The following DTWD2 variants were observed in gnomAD, a reference collection of about 807,000 sequenced individuals.
The protein encoded by DTWD2 is tRNA-uridine aminocarboxypropyltransferase 2.
In DTWD2, 39 loss-of-function variants were observed where a neutral mutation model predicts 31.8. That is an observed-to-expected ratio of 1.22 (90% CI 0.95 to 1.60). The LOEUF is 1.60. Ranked by LOEUF, DTWD2 falls within the 40% of genes most tolerant of loss-of-function variation. The pLI, the probability that DTWD2 is intolerant of heterozygous loss-of-function variation, is 0.00. For synonymous variants in DTWD2, 180 were observed against 142.8 expected, an observed-to-expected ratio of 1.26 and a Z score of -1.86; for missense variants, 515 against 381.5, an observed-to-expected ratio of 1.35 and a Z score of -2.92.
At chr5:118,947,462 G>A (rs1346734058) in intron 1 of DTWD2, among the ~76,000 whole-genome samples, 7 of 152,182 alleles carry the variant, frequency 4.6e-5, no homozygotes, top group African/African-American at 1.4e-4. Context: ...ACTCTCCGAA[G>A]CAACAGCATC....
At chr5:118,911,882 A>G (rs2149571054) in intron 4 of DTWD2, among the ~76,000 whole-genome samples, 1 of 152,234 alleles carries the variant, frequency 6.6e-6, no homozygotes, top group East Asian at 1.9e-4. Context: ...TTCTATCCCT[A>G]CTCAGGGGCA....
intron 4 of DTWD2, among the ~76,000 whole-genome samples, chr5:118,856,764 C>CTTTTTTTTTTTTT (rs68175368): frequency 4.5e-5 from 2 of 44,340 alleles, no homozygotes; most frequent in Admixed American, 3.7e-4. Flanking sequence ...TTGAGGCTTA[C>CTTTTTTTTTTTTT]TTTTTTTTTT....
chr5:118,920,037 T>C (rs1753666310), intron 4 of DTWD2, among the ~76,000 whole-genome samples: 1 of 151,628 alleles, frequency 6.6e-6, no homozygotes, highest in South Asian at 2.1e-4. Context: ...AAATGTAACA[T>C]GCTTGAACCA....
At chr5:118,875,233 C>T (rs189475251) in intron 4 of DTWD2, among the ~76,000 whole-genome samples, 2 of 152,240 alleles carry the variant, frequency 1.3e-5, no homozygotes, top group Admixed American at 1.3e-4. Context: ...AAGACCACTA[C>T]AGCCACTACA....
chr5:118,857,117 A>G lies in DTWD2; in HGVS notation c.598-8899T>C, dbSNP rs989177194. 2.6e-5 allele frequency among the ~76,000 whole-genome samples: 4 copies of G among 152,060 alleles called. No homozygotes were observed. In the East Asian group the frequency reaches 7.7e-4, roughly 29 times the overall value. ...GTTCATGTTATAAACGAAGAAATGT[A>G]GATGCACACGTACACTTCCATTAAA... On this transcript the variant is annotated intron_variant, in intron 4 of 5. Transcript: ENST00000510708.
At chr5:118,985,041 T>C (rs972299844) in intron 1 of DTWD2, among the ~76,000 whole-genome samples, 4 of 152,296 alleles carry the variant, frequency 2.6e-5, no homozygotes, top group South Asian at 2.1e-4. Context: ...TGTTGGGTTA[T>C]AGAGCATTAG....
At chr5:118,862,222 CA>C (rs1752277650) in intron 4 of DTWD2, among the ~76,000 whole-genome samples, 1 of 152,186 alleles carries the variant, frequency 6.6e-6, no homozygotes, top group Non-Finnish European at 1.5e-5. Flanking sequence ...ATCCCAAAAC[CA>C]TCGCTCCATT....
At chr5:118,866,532 G>A (rs1264180083) in intron 4 of DTWD2, among the ~76,000 whole-genome samples, 1 of 152,056 alleles carries the variant, frequency 6.6e-6, no homozygotes, top group African/African-American at 2.4e-5. Context: ...ACTCTACAAG[G>A]AAACACAAAA....
chr5:118,969,570 C>A (rs576845078), intron 1 of DTWD2, among the ~76,000 whole-genome samples: 4 of 152,292 alleles, frequency 2.6e-5, no homozygotes, highest in African/African-American at 7.2e-5. Context: ...GGAACCCCAA[C>A]AACCACAGCA....
chr5:118,988,159 T>G (rs1251993334), intron 1 of DTWD2, 135 bp downstream of exon 1: 44 of 1,120,862 alleles, frequency 3.9e-5, no homozygotes, highest in Non-Finnish European at 5.7e-5. Context: ...TTTCCGAGAT[T>G]TCCAACGTGC....
intron 4 of DTWD2, among the ~76,000 whole-genome samples, chr5:118,854,824 A>G (rs1243126488): frequency 6.6e-6 from 1 of 152,186 alleles, no homozygotes; most frequent in Non-Finnish European, 1.5e-5. Context: ...ATAAAGTTAT[A>G]CTTTCTTAAA....
chr5:118,858,144 G>A (rs746263055), intron 4 of DTWD2, among the ~76,000 whole-genome samples: 5 of 151,750 alleles, frequency 3.3e-5, no homozygotes, highest in Non-Finnish European at 1.5e-5. Flanking sequence ...CAGTATTGTG[G>A]CAATGTGTAA....
At chr5:118,862,807 T>C (rs578228249) in intron 4 of DTWD2, among the ~76,000 whole-genome samples, 1 of 152,234 alleles carries the variant, frequency 6.6e-6, no homozygotes, top group Non-Finnish European at 1.5e-5. Context: ...GACTATCCCA[T>C]TATTCTTTCC....
chr5:118,931,859 T>G (rs987145996), intron 3 of DTWD2, among the ~76,000 whole-genome samples: 2 of 152,018 alleles, frequency 1.3e-5, no homozygotes, highest in African/African-American at 4.8e-5. Context: ...CCTGACAAAT[T>G]TAAAATAGAA....
chr5:118,836,488 C>A lies in DTWD2; in HGVS notation c.*4429G>T, dbSNP rs528044418. On this transcript the variant is annotated 3_prime_UTR_variant, in exon 6 of 6. Transcript: ENST00000510708. ...TCCTGACCTCGTGATCTACCCACCT[C>A]GGCCTCCCAAAGTGCTGGAATTACA... Among the ~76,000 whole-genome samples, 4 of 152,238 alleles carry A rather than the reference C, an allele frequency of 2.6e-5. No individual in the cohort carries two copies. Among genetic ancestry groups the A allele is most frequent in the African/African-American group, 9.6e-5 (4 of 41,532 alleles).
rs368667070 is a variant in DTWD2, at chr5:118,988,237, C to G, written c.218+57G>C. ...GCCGACTCCCCGGCAGGGGGCGCCGCACCCTCCTCCGAAGGCCGCTGCCGG... is the reference window on the plus strand; with the variant it reads ...GCCGACTCCCCGGCAGGGGGCGCCGGACCCTCCTCCGAAGGCCGCTGCCGG... On this transcript the variant is annotated intron_variant, in intron 1 of 5. Coordinates refer to ENST00000510708, the MANE Select transcript of DTWD2 (RefSeq NM_173666.4). The G allele has an allele frequency of 6.5e-6, 10 of 1,530,806 alleles. No individual in the cohort carries two copies. In the African/African-American group the frequency reaches 9.6e-5, roughly 15 times the overall value. The allele number at this position is 1,530,806 out of a possible 1,614,324, so 94.8% of individuals were successfully genotyped here. A position where few individuals can be genotyped will look rare whatever the true frequency, so the allele number is the denominator to read the frequency against.
At chr5:118,947,703 G>A (rs1443438167) in intron 1 of DTWD2, among the ~76,000 whole-genome samples, 1 of 152,156 alleles carries the variant, frequency 6.6e-6, no homozygotes, top group Non-Finnish European at 1.5e-5. Flanking sequence ...CAGGCTTGAG[G>A]GTGGGGCTTT....
intron 5 of DTWD2, among the ~76,000 whole-genome samples, chr5:118,841,531 A>G (rs956851483): frequency 2.6e-5 from 4 of 152,198 alleles, no homozygotes; most frequent in African/African-American, 9.6e-5. Flanking sequence ...GATGGCAGCA[A>G]TGGGTAAACG....
At chr5:118,851,033 G>T (rs1255337418) in intron 4 of DTWD2, among the ~76,000 whole-genome samples, 1 of 151,954 alleles carries the variant, frequency 6.6e-6, no homozygotes, top group Non-Finnish European at 1.5e-5. Context: ...GATCACATGA[G>T]GTTGGGAGTT....
Sources: gnomAD v4.1 joint callset for allele counts (sites outside exome capture counted in the v4.1 genomes callset) on GRCh38, gnomAD v4.1.1 for gene constraint, MANE v1.5 for transcripts, NCBI Gene and HGNC (gene_info 2026-07-23, HGNC 2026-07-21) for gene names.